NAALADL2: variants seen among roughly 807,000 people sequenced by gnomAD.
NAALADL2 encodes the protein N-acetylated alpha-linked acidic dipeptidase like 2.
Under a neutral mutation model 87.2 loss-of-function variants are expected in NAALADL2, and 76 were observed. The observed-to-expected ratio is 0.87, with a 90% confidence interval of 0.72 to 1.05. The LOEUF (loss-of-function observed/expected upper bound fraction) is 1.05, where lower values mean the gene tolerates loss of function less well. Among genes scored for constraint, NAALADL2 ranks in the 50% least tolerant of loss-of-function variants. The probability of loss-of-function intolerance (pLI) is 0.00; values close to 1 mark genes in which losing one functional copy is unlikely to be tolerated. For synonymous variants in NAALADL2, 354 were observed against 331.0 expected (o/e 1.07, Z -0.75); for missense variants, 1,089 against 945.8 (o/e 1.15, Z -1.99).
At chr3:175,066,697 C>G (rs1282565892) in intron 1 of NAALADL2, among the ~76,000 whole-genome samples, 1 of 152,112 alleles carries the variant, frequency 6.6e-6, no homozygotes, top group Non-Finnish European at 1.5e-5. Context: ...AGAGTTTAAT[C>G]TGACAGGAAG....
intron 5 of NAALADL2, among the ~76,000 whole-genome samples, chr3:175,442,888 G>A (rs545951713): frequency 3.9e-5 from 6 of 152,188 alleles, no homozygotes; most frequent in African/African-American, 1.4e-4. Context: ...TTTTTTGTAT[G>A]GTATCCTTTC....
chr3:175,440,951 A>G (rs1326532174), intron 5 of NAALADL2, among the ~76,000 whole-genome samples: 1 of 152,166 alleles, frequency 6.6e-6, no homozygotes, highest in Non-Finnish European at 1.5e-5. Flanking sequence ...GAAATAGCTT[A>G]TAAAGAGACA....
At chr3:174,446,590 T>C (rs912535306) in intron 1 of NAALADL2, among the ~76,000 whole-genome samples, 1 of 152,168 alleles carries the variant, frequency 6.6e-6, no homozygotes, top group Non-Finnish European at 1.5e-5. Flanking sequence ...TGTGTGTGTG[T>C]ATGTGTGTAT....
chr3:174,922,863 A>C (rs1735438249), intron 1 of NAALADL2, among the ~76,000 whole-genome samples: 1 of 152,218 alleles, frequency 6.6e-6, no homozygotes, highest in Non-Finnish European at 1.5e-5. Context: ...TGATGTTATT[A>C]TCAAGACTTA....
intron 2 of NAALADL2, among the ~76,000 whole-genome samples, chr3:174,639,808 CTTG>C (rs1358586391): frequency 6.6e-6 from 1 of 152,150 alleles, no homozygotes; most frequent in Admixed American, 6.5e-5. Flanking sequence ...TCTGCTAAAT[CTTG>C]TTAATATTGT....
intron 1 of NAALADL2, among the ~76,000 whole-genome samples, chr3:174,464,782 G>A (rs997024989): frequency 1.3e-5 from 2 of 151,638 alleles, no homozygotes; most frequent in African/African-American, 2.4e-5. Context: ...ATCATTTTCA[G>A]GTAGATAACA....
Position 174,783,871 on chromosome 3 carries a change from G to C in NAALADL2, c.-9+46125G>C, listed in dbSNP as rs529177504. Among the ~76,000 whole-genome samples, 46 of 152,116 alleles carry C rather than the reference G, an allele frequency of 3.0e-4. No individual in the cohort carries two copies. The South Asian group carries it at 8.9e-3, about 29-fold the overall frequency. ...CAGGGCATCATTTTTTTCAGAAAATGCTCCCAGGTGATACTGATGTACAGG... is the reference window on the plus strand; with the variant it reads ...CAGGGCATCATTTTTTTCAGAAAATCCTCCCAGGTGATACTGATGTACAGG... On this transcript the variant is annotated intron_variant, in intron 3 of 3. Transcript: ENST00000434257.
At chr3:174,885,232 T>C (rs1729943713) in intron 1 of NAALADL2, among the ~76,000 whole-genome samples, 1 of 152,144 alleles carries the variant, frequency 6.6e-6, no homozygotes, top group South Asian at 2.1e-4. Context: ...TCATTGCAGG[T>C]CGGCCACTCG....
In NAALADL2 at chr3:175,627,288, C is replaced by T. The variant is rs1223879711; in HGVS notation, c.1801-3C>T. 5.2e-6 allele frequency: 8 copies of T among 1,553,280 alleles called. No individual in the cohort carries two copies. The highest frequency in any genetic ancestry group is 1.8e-4 in the Middle Eastern group (1 of 5,438). On this transcript the variant is annotated splice_polypyrimidine_tract_variant and splice_region_variant and intron_variant, in intron 10 of 13. Transcript: ENST00000454872. The stretch of plus-strand genomic sequence containing the variant: ...TAAATGTTTCTTTTTTGATTTGCCG[C>T]AGGGTCCAAGTTTTCTCTCCGAGGC...
intron 9 of NAALADL2, among the ~76,000 whole-genome samples, chr3:175,505,793 G>A (rs777835771): frequency 6.6e-5 from 10 of 152,304 alleles, no homozygotes; most frequent in Non-Finnish European, 1.0e-4. Flanking sequence ...CAAAGTTTGA[G>A]GTATAGAGTA....
At chr3:174,713,622 A>C (rs1198632592) in intron 2 of NAALADL2, among the ~76,000 whole-genome samples, 1 of 152,134 alleles carries the variant, frequency 6.6e-6, no homozygotes, top group African/African-American at 2.4e-5. Flanking sequence ...GTGTCTGTTC[A>C]TATTGTTCAC....
intron 2 of NAALADL2, among the ~76,000 whole-genome samples, chr3:174,690,064 A>C (rs2108850450): frequency 6.6e-6 from 1 of 152,300 alleles, no homozygotes; most frequent in South Asian, 2.1e-4. Flanking sequence ...CCTTGTAAAT[A>C]TTTAATATAT....
intron 9 of NAALADL2, among the ~76,000 whole-genome samples, chr3:175,524,253 A>G (rs10513733): frequency 0.094 from 14,271 of 152,232 alleles, 1,006 homozygotes; most frequent in African/African-American, 0.2. Flanking sequence ...CTTGAAGACC[A>G]TCATCTAGTC....
chr3:175,697,859 A>ATT (rs1738120484), intron 11 of NAALADL2, among the ~76,000 whole-genome samples: 2 of 96,182 alleles, frequency 2.1e-5, no homozygotes, highest in South Asian at 3.0e-4. Context: ...ATATATGTGT[A>ATT]TATATGTATG....
At chr3:175,008,328 C>T (rs187017542) in intron 1 of NAALADL2, among the ~76,000 whole-genome samples, 39 of 152,288 alleles carry the variant, frequency 2.6e-4, no homozygotes, top group Middle Eastern at 3.4e-3. Flanking sequence ...CTGCAGTGAG[C>T]TATGATCATG....
chr3:175,067,845 C>T (rs556974981), intron 1 of NAALADL2, among the ~76,000 whole-genome samples: 1 of 152,094 alleles, frequency 6.6e-6, no homozygotes, highest in South Asian at 2.1e-4. Context: ...CACCCATGTG[C>T]CTATCAATGG....
At chr3:174,887,540 A>C (rs1280635255) in intron 1 of NAALADL2, among the ~76,000 whole-genome samples, 1 of 152,144 alleles carries the variant, frequency 6.6e-6, no homozygotes, top group Non-Finnish European at 1.5e-5. Flanking sequence ...CACATCCATA[A>C]ACCCAGCAAT....
intron 4 of NAALADL2, among the ~76,000 whole-genome samples, chr3:175,292,800 G>A (rs957628794): frequency 6.6e-6 from 1 of 151,896 alleles, no homozygotes; most frequent in Admixed American, 6.6e-5. Flanking sequence ...CACTTTGGGA[G>A]GCCGAGGTGG....
chr3:174,660,592 T>A (rs2108777154), intron 2 of NAALADL2, among the ~76,000 whole-genome samples: 1 of 152,274 alleles, frequency 6.6e-6, no homozygotes, highest in African/African-American at 2.4e-5. Flanking sequence ...TACGAAAGGA[T>A]GATTTATCAA....
Sources: allele counts gnomAD v4.1 joint callset (sites outside exome capture counted in the v4.1 genomes callset), GRCh38; gene constraint gnomAD v4.1.1; transcripts MANE v1.5; gene names NCBI Gene and HGNC (gene_info 2026-07-23, HGNC 2026-07-21).